GXYLT1: variants seen among roughly 807,000 people sequenced by gnomAD.
GXYLT1 encodes the protein glycosyltransferase 8 domain containing 3.
In GXYLT1, 29 loss-of-function variants were observed where a neutral mutation model predicts 54.0. The observed-to-expected ratio is 0.54, with a 90% CI of 0.40 to 0.73. The LOEUF is 0.73. Among genes scored for constraint, GXYLT1 ranks in the 30% least tolerant of loss-of-function variants. GXYLT1 has a pLI of 0.00. For missense variants in GXYLT1, 490 were observed against 553.4 expected, an observed-to-expected ratio of 0.89 and a Z score of 1.15; for synonymous variants, 176 against 204.1, an observed-to-expected ratio of 0.86 and a Z score of 1.17.
intron 5 of GXYLT1, among the ~76,000 whole-genome samples, chr12:42,098,734 G>A (rs1380853509): frequency 1.8e-5 from 2 of 109,542 alleles, no homozygotes; most frequent in Admixed American, 2.1e-4. Flanking sequence ...TTATTTAAGT[G>A]TTCATTTATC....
chr12:42,123,139 T>C (rs2065541467), intron 2 of GXYLT1, among the ~76,000 whole-genome samples: 1 of 152,156 alleles, frequency 6.6e-6, no homozygotes, highest in Non-Finnish European at 1.5e-5. Flanking sequence ...CAACCTGAGT[T>C]GAATGCAATG....
intron 3 of GXYLT1, among the ~76,000 whole-genome samples, chr12:42,115,285 A>G (rs1450848953): frequency 6.6e-6 from 1 of 152,216 alleles, no homozygotes. Flanking sequence ...GGCCAGGGCA[A>G]TCAGGCAGGA....
intron 2 of GXYLT1, 35 bp downstream of exon 2, chr12:42,129,724 T>C: frequency 5.3e-6 from 7 of 1,315,970 alleles, no homozygotes; most frequent in Non-Finnish European, 7.7e-6. Flanking sequence ...TAACCTTATC[T>C]ACACTGATCT....
chr12:42,123,426 G>C (rs2065542924), intron 2 of GXYLT1, among the ~76,000 whole-genome samples: 2 of 151,892 alleles, frequency 1.3e-5, no homozygotes, highest in Admixed American at 6.6e-5. Context: ...AAAAATGTAT[G>C]GTATGCTTAC....
intron 2 of GXYLT1, 41 bp from the exon 3 acceptor site, chr12:42,119,212 T>C (rs781450127): frequency 7.5e-6 from 11 of 1,458,312 alleles, no homozygotes; most frequent in South Asian, 2.6e-5. Context: ...AGTTTTAGTA[T>C]ATGTTTACAA....
chr12:42,121,117 C>A (rs558247004), intron 2 of GXYLT1, among the ~76,000 whole-genome samples: 1 of 152,304 alleles, frequency 6.6e-6, no homozygotes, highest in East Asian at 1.9e-4. Context: ...TTCTAAATTA[C>A]CTCATCTTTC....
chr12:42,108,406 T>C (rs2065433164), intron 4 of GXYLT1, among the ~76,000 whole-genome samples: 1 of 152,228 alleles, frequency 6.6e-6, no homozygotes, highest in South Asian at 2.1e-4. Flanking sequence ...AGAGGAAACC[T>C]GTGTGTTCTA....
intron 2 of GXYLT1, among the ~76,000 whole-genome samples, chr12:42,122,346 T>G (rs2065536121): frequency 6.6e-6 from 1 of 152,184 alleles, no homozygotes. Context: ...TCCCAGCACT[T>G]TGGGAGGCCG....
intron 7 of GXYLT1, among the ~76,000 whole-genome samples, chr12:42,096,157 A>G (rs376355997): frequency 2.5e-4 from 38 of 152,306 alleles, no homozygotes; most frequent in African/African-American, 9.1e-4. Flanking sequence ...GTGTGAACAC[A>G]TTAACATCAT....
At chr12:42,113,081 T>C (rs1488034774) in intron 3 of GXYLT1, among the ~76,000 whole-genome samples, 1 of 151,096 alleles carries the variant, frequency 6.6e-6, no homozygotes. Flanking sequence ...AAGCAAATGC[T>C]GAGAGATTTT....
chr12:42,091,899 C>G (rs1203893066), intron 7 of GXYLT1, among the ~76,000 whole-genome samples: 8 of 152,324 alleles, frequency 5.3e-5, no homozygotes, highest in African/African-American at 1.7e-4. Flanking sequence ...TCACTCCAGT[C>G]ACACTGAACA....
chr12:42,119,561 G>A (rs2065518210), intron 2 of GXYLT1, among the ~76,000 whole-genome samples: 1 of 152,016 alleles, frequency 6.6e-6, no homozygotes, highest in East Asian at 1.9e-4. Flanking sequence ...TAATCCCAGA[G>A]CTTTGAGAGA....
chr12:42,100,536 GAGA>G (rs1159035958), intron 5 of GXYLT1, among the ~76,000 whole-genome samples: 1 of 150,216 alleles, frequency 6.7e-6, no homozygotes, highest in Admixed American at 6.6e-5. Flanking sequence ...CTTTAAAAAA[GAGA>G]AGGCCAGAAT....
At chr12:42,097,667 G>A in intron 6 of GXYLT1, 53 bp from the exon 7 acceptor site, 1 of 1,441,172 alleles carries the variant, frequency 6.9e-7, no homozygotes, top group Non-Finnish European at 9.5e-7. Context: ...TTCCACAGAT[G>A]TAACATTATG....
intron 4 of GXYLT1, among the ~76,000 whole-genome samples, chr12:42,106,994 A>AAT (rs2065425379): frequency 6.6e-6 from 1 of 151,638 alleles, no homozygotes; most frequent in Non-Finnish European, 1.5e-5. Context: ...TGATTCACCC[A>AAT]TCTCGGCCTC....
intron 1 of GXYLT1, among the ~76,000 whole-genome samples, chr12:42,132,512 CACT>C (rs2065598673): frequency 6.6e-6 from 1 of 152,156 alleles, no homozygotes. Context: ...AATTACCCAC[CACT>C]ATTAACATTT....
chr12:42,127,464 G>C (rs1238370774), intron 2 of GXYLT1, among the ~76,000 whole-genome samples: 1 of 152,150 alleles, frequency 6.6e-6, no homozygotes, highest in African/African-American at 2.4e-5. Context: ...CAGGCACAAG[G>C]CTTACAACAT....
intron 3 of GXYLT1, 67 bp from the exon 4 acceptor site, chr12:42,109,758 C>T (rs1158686594): frequency 9.5e-7 from 1 of 1,051,244 alleles, no homozygotes; most frequent in African/African-American, 1.7e-5. Flanking sequence ...CATAAAACAA[C>T]AGATTATAAA....
chr12:42,125,150 C>T (rs1027074210), intron 2 of GXYLT1, among the ~76,000 whole-genome samples: 2 of 151,910 alleles, frequency 1.3e-5, no homozygotes, highest in African/African-American at 2.4e-5. Flanking sequence ...ATGAGTACAA[C>T]GGTTAAGGGA....
Sources: gnomAD v4.1 joint callset for allele counts (sites outside exome capture counted in the v4.1 genomes callset) on GRCh38, gnomAD v4.1.1 for gene constraint, MANE v1.5 for transcripts, NCBI Gene and HGNC (gene_info 2026-07-23, HGNC 2026-07-21) for gene names.